Variants in OFD1 observed in about 807,000 individuals in gnomAD.
The protein encoded by OFD1 is centriole and centriolar satellite protein OFD1.
Under a neutral mutation model 81.4 loss-of-function variants are expected in OFD1, and 12 were observed. The observed-to-expected ratio is 0.15, with a 90% confidence interval of 0.09 to 0.24. The LOEUF (loss-of-function observed/expected upper bound fraction) is 0.24, where lower values mean the gene tolerates loss of function less well. OFD1 is among the 10% of genes least tolerant of loss of function. OFD1 has a pLI of 1.00. For missense variants in OFD1, 685 were observed against 733.9 expected (o/e 0.93, Z 0.77); for synonymous variants, 256 against 263.7 (o/e 0.97, Z 0.28).
chrX:13,728,755 A>G, the OFD1 span, among the ~76,000 whole-genome samples: 1 of 112,096 alleles, frequency 8.9e-6, no homozygotes, highest in Non-Finnish European at 1.9e-5. Flanking sequence ...GGCCAGGGCA[A>G]TCAGGCAAGA....
chrX:13,773,096 AG>A (rs767040348), downstream of OFD1: 474 of 1,001,447 alleles, frequency 4.7e-4, no homozygotes, highest in Non-Finnish European at 5.9e-4. Flanking sequence ...GGCGCTAGTT[AG>A]ATTAGACAGA....
rs759839045 is a variant in OFD1, at chrX:13,764,952, G to T, written c.2599+1097G>T. Among the ~76,000 whole-genome samples, 3 of 111,666 alleles carry T rather than the reference G, an allele frequency of 2.7e-5. No individual in the cohort carries two copies. The East Asian group carries it at 8.4e-4, about 31-fold the overall frequency. ...GGGAGGGGCTGCAGCAGCTGAGTAG[G>T]GGCCGTGGCCACAAGAGGGAGTGTC... On this transcript the variant is annotated intron_variant, in intron 19 of 22. Transcript: ENST00000340096.
chrX:13,722,453 A>G, the OFD1 span, among the ~76,000 whole-genome samples: 1 of 110,940 alleles, frequency 9.0e-6, no homozygotes, highest in Non-Finnish European at 1.9e-5. Context: ...CTTTATATAC[A>G]TTCCATGCTT....
intron 2 of OFD1, 64 bp downstream of exon 2, chrX:13,735,410 T>C: frequency 1.2e-6 from 1 of 849,043 alleles, no homozygotes; most frequent in South Asian, 2.0e-5. Flanking sequence ...GTAGTTCAAA[T>C]TCAATCAAGG....
At chrX:13,751,526 A>C (rs769534593) in intron 10 of OFD1, among the ~76,000 whole-genome samples, 158 bp downstream of exon 10, 1 of 110,402 alleles carries the variant, frequency 9.1e-6, no homozygotes, top group Non-Finnish European at 1.9e-5. Flanking sequence ...CCTGCATTTG[A>C]GTTAGGATAG....
chrX:13,729,558 G>T, the OFD1 span, among the ~76,000 whole-genome samples: 1 of 112,348 alleles, frequency 8.9e-6, no homozygotes, highest in African/African-American at 3.2e-5. Context: ...GTAGAAACCT[G>T]AAACTGGATC....
downstream of OFD1, chrX:13,773,076 G>A (rs771347533): frequency 1.8e-6 from 2 of 1,117,343 alleles, no homozygotes; most frequent in South Asian, 3.8e-5. Flanking sequence ...ATTGTGAGAA[G>A]GCAAAGCGAG....
intron 2 of OFD1, 136 bp downstream of exon 2, chrX:13,735,482 C>G: frequency 1.9e-6 from 1 of 528,266 alleles, no homozygotes; most frequent in Non-Finnish European, 3.4e-6. Flanking sequence ...TTTATATTCC[C>G]GAATAACTCT....
At position 13,753,134 on chromosome X, in the gene OFD1, C is replaced by G. The variant is rs1180952733; in HGVS notation, c.1056-234C>G. 5.9e-6 allele frequency: 6 copies of G among 1,017,224 alleles called. No individual in the cohort carries two copies. In the East Asian group the frequency reaches 2.4e-4, roughly 40 times the overall value. 83.8% of individuals were successfully genotyped at this position (1,017,224 alleles called of 1,213,427 possible). ...GTAACCTTATGATAACACGACGCTT[C>G]ATTTTGTGTGATTGAGTTTTGGGAC... On this transcript the variant is annotated intron_variant, in intron 10 of 22. Transcript: ENST00000340096.
In OFD1 at chrX:13,738,934, G is replaced by A. The variant is rs2046980692; in HGVS notation, c.381+20G>A. The A allele has an allele frequency of 5.9e-6, 7 of 1,177,903 alleles. No homozygotes were observed. Among genetic ancestry groups the A allele is most frequent in the African/African-American group, 1.8e-5 (1 of 57,088 alleles). ...TCACTGGTAAGATGGCTTAGTTTCT[G>A]TAATCTACTTTGGTTTGTTAATTAT... is the stretch of plus-strand genomic sequence containing the variant. On this transcript the variant is annotated intron_variant, in intron 4 of 22. Coordinates refer to ENST00000340096, the MANE Select transcript of OFD1 (RefSeq NM_003611.3).
intron 20 of OFD1, chrX:13,767,804 T>C (rs1322344612): frequency 3.0e-6 from 1 of 332,330 alleles, no homozygotes. Flanking sequence ...TACTCTAACA[T>C]ATGAATGTTC....
the OFD1 span, among the ~76,000 whole-genome samples, chrX:13,718,133 A>G: frequency 8.9e-6 from 1 of 112,507 alleles, no homozygotes. Flanking sequence ...AACTGAGACA[A>G]TAAATTTCTG....
chrX:13,761,055 A>T, intron 16 of OFD1, 30 bp from the exon 17 acceptor site: 1 of 1,210,156 alleles, frequency 8.3e-7, no homozygotes, highest in Non-Finnish European at 1.1e-6. Flanking sequence ...AATTGGTAAT[A>T]TTCTTGCCTT....
In OFD1 at chrX:13,744,395, T is replaced by A; in HGVS notation, c.413-20T>A. The A allele has an allele frequency of 1.1e-6, 1 of 909,445 alleles. No homozygotes were observed. The highest frequency in any genetic ancestry group is 2.0e-5 in the South Asian group (1 of 50,482). 74.9% of individuals were successfully genotyped at this position (909,445 alleles called of 1,213,427 possible). A position where few individuals can be genotyped will look rare whatever the true frequency, so the allele number is the denominator to read the frequency against. ...GTGGTTGAAAGTTCTGAAACAAAAC[T>A]GTATGCATATGTTTTTTAGGTTTTC... On this transcript the variant is annotated intron_variant, in intron 5 of 22. Transcript: ENST00000340096.
At chrX:13,734,711 G>T, upstream of OFD1, 1 of 988,953 alleles carries the variant, frequency 1.0e-6, no homozygotes, top group Non-Finnish European at 1.3e-6. Flanking sequence ...CTTCAGCTCG[G>T]GAAGGCTATA....
the OFD1 span, chrX:13,719,727 C>T: frequency 4.6e-6 from 2 of 435,211 alleles, no homozygotes; most frequent in African/African-American, 5.0e-5. Context: ...AGGACATACC[C>T]TGGCTGGCTT....
rs767062778 is a variant in OFD1 at position 13,746,875 on chromosome X, A to C, written c.750A>C (p.Glu250Asp). ...TAACCATGTTCCAGAATGATTTTGA[A>C]AAAGCTTGTCAAGCAAAATCTGAAG... ...KELTMFQNDF[E>D]KACQAKSEAL... Residue 250 changes from glutamate to aspartate, a missense_variant, in exon 8 of 23, where the codon GAA becomes GAC. By Grantham distance (45) the Glu-to-Asp change is conservative. This residue lies in a region of OFD1 where 414 missense variants were observed against 447.2 expected (regional missense o/e 0.93). Transcript: ENST00000340096. The C allele has an allele frequency of 2.5e-6, 3 of 1,210,754 alleles. No homozygotes were observed. Among genetic ancestry groups the C allele is most frequent in the Non-Finnish European group, 3.4e-6 (3 of 894,320 alleles).
chrX:13,739,748 CA>C (rs538747990), intron 5 of OFD1: 62,428 of 450,800 alleles, frequency 0.14, 24 homozygotes, highest in Non-Finnish European at 0.15. Flanking sequence ...AACTCCGTCT[CA>C]AAAAAAAAAA....
At chrX:13,757,171 C>G (rs1001506968) in intron 13 of OFD1, among the ~76,000 whole-genome samples, 1 of 112,264 alleles carries the variant, frequency 8.9e-6, no homozygotes, top group Admixed American at 9.4e-5. Context: ...TACTAGCCCA[C>G]CCAGGGAACT....
Sources: allele counts gnomAD v4.1 joint callset (sites outside exome capture counted in the v4.1 genomes callset), GRCh38; gene constraint gnomAD v4.1.1; regional missense constraint gnomAD v4.1.1; transcripts MANE v1.5; gene names NCBI Gene and HGNC (gene_info 2026-07-23, HGNC 2026-07-21).